CDC34: variants seen among roughly 807,000 people sequenced by gnomAD.
The protein encoded by CDC34 is cell division cycle 34, ubiquitin conjugating enzyme, also known as ubiquitin-conjugating enzyme E2 R1.
CDC34 carries 18 observed loss-of-function variants against 26.8 expected under a neutral mutation model. That is an observed-to-expected ratio of 0.67 (90% CI 0.47 to 1.00). The LOEUF is 1.00. Among genes scored for constraint, CDC34 ranks in the 50% least tolerant of loss-of-function variants. The pLI is 0.00. For synonymous variants in CDC34, 178 were observed against 147.5 expected, an observed-to-expected ratio of 1.21 and a Z score of -1.50; for missense variants, 280 against 334.5, an observed-to-expected ratio of 0.84 and a Z score of 1.27.
intron 3 of CDC34, chr19:536,755 C>CGG: frequency 1.8e-6 from 1 of 562,652 alleles, no homozygotes; most frequent in South Asian, 2.0e-5. Flanking sequence ...GCAGGACGTG[C>CGG]GGGTGTGAGG....
rs1359596655 is a variant in CDC34 at position 533,485 on chromosome 19, G to A, written c.177+1377G>A. 4.6e-5 allele frequency among the ~76,000 whole-genome samples: 7 copies of A among 152,372 alleles called. No homozygotes were observed. The East Asian group carries it at 1.2e-3, about 25-fold the overall frequency. On this transcript the variant is annotated intron_variant, in intron 1 of 4. Transcript: ENST00000215574. ...GTGGGTTCTGCATCTGGAATCCTGC[G>A]TCCCCACACAGGGAACAGAGTTTGG... is the stretch of plus-strand genomic sequence containing the variant.
In CDC34 at chr19:541,505, A is replaced by G; in HGVS notation, c.664A>G (p.Ser222Gly). 2 of 1,609,454 alleles carry G rather than the reference A, an allele frequency of 1.2e-6. No individual in the cohort carries two copies. The highest frequency in any genetic ancestry group is 1.7e-6 in the Non-Finnish European group (2 of 1,177,560). ...EDGEVEEEAD[S>G]CFGDDEDDSG... ...CGGCGAGGTGGAGGAGGAGGCCGAC[A>G]GCTGCTTCGGGGACGATGAGGATGA... Residue 222 changes from serine (S) to glycine (G), a missense_variant, in exon 5 of 5, where the codon AGC becomes GGC. Coordinates refer to ENST00000215574, the MANE Select transcript of CDC34 (RefSeq NM_004359.2).
At chr19:536,082 G>A (rs1056954710) in intron 2 of CDC34, among the ~76,000 whole-genome samples, 159 bp downstream of exon 2, 5 of 132,106 alleles carry the variant, frequency 3.8e-5, no homozygotes, top group African/African-American at 1.0e-4. Context: ...TCGTCCTTCC[G>A]GGACCCGAGG....
At chr19:538,677 G>A in intron 4 of CDC34, 1 of 984,060 alleles carries the variant, frequency 1.0e-6, no homozygotes, top group South Asian at 4.7e-5. Flanking sequence ...CCTCGCCCCA[G>A]GACCCAGGAG....
At position 536,335 on chromosome 19, in the gene CDC34, C is replaced by T. The variant is rs146385161; in HGVS notation, c.357C>T (p.Asn119=). 417 of 1,611,390 alleles carry T rather than the reference C, an allele frequency of 2.6e-4. 1 individual carries two copies. The African/African-American group carries it at 3.7e-3, about 14-fold the overall frequency. Reference sequence around the variant, plus strand: ...CAGAGAGGTGGAACCCCACGCAGAACGTCAGGTAAGCCGGCCCAACCCCCT... The same window carrying T: ...CAGAGAGGTGGAACCCCACGCAGAATGTCAGGTAAGCCGGCCCAACCCCCT... ...LPSERWNPTQ[N]VRTILLSVIS... The change falls in exon 3 of 5, where the codon AAC becomes AAT. Residue 119 remains asparagine, a synonymous_variant. Transcript: ENST00000215574.
rs765510335 is a variant in CDC34 at position 532,002 on chromosome 19, C to T, written c.71C>T (p.Pro24Leu). 2.0e-6 allele frequency: 3 copies of T among 1,502,052 alleles called. No individual in the cohort carries two copies. Among genetic ancestry groups the T allele is most frequent in the Non-Finnish European group, 2.6e-6 (3 of 1,133,684 alleles). The allele number at this position is 1,502,052 out of a possible 1,614,324, so 93.0% of individuals were successfully genotyped here. A position where few individuals can be genotyped will look rare whatever the true frequency, so the allele number is the denominator to read the frequency against. ...LLELKGLQEE[P>L]VEGFRVTLVD... ...GAGCTCAAGGGGCTGCAGGAAGAGC[C>T]GGTCGAGGGATTCCGCGTGACACTG... The change falls in exon 1 of 5, where the codon CCG becomes CTG. Residue 24 changes from proline to leucine, a missense_variant. Coordinates refer to ENST00000215574, the MANE Select transcript of CDC34 (RefSeq NM_004359.2).
Position 531,858 on chromosome 19 carries a change from C to T in CDC34, c.-74C>T. ...GGCTCCCCCCCGGACGGTGCGCGGC[C>T]CGGCCCGTCTCGCGAACTCGCGGTG... On this transcript the variant is annotated 5_prime_UTR_variant, in exon 1 of 5. Coordinates refer to ENST00000215574, the MANE Select transcript of CDC34 (RefSeq NM_004359.2). The T allele has an allele frequency of 9.9e-7, 1 of 1,005,498 alleles. No homozygotes were observed. Among genetic ancestry groups the T allele is most frequent in the Non-Finnish European group, 1.3e-6 (1 of 793,922 alleles). The allele number at this position is 1,005,498 out of a possible 1,614,324, so 62.3% of individuals were successfully genotyped here.
chr19:534,548 CG>C (rs1262310965), intron 1 of CDC34, among the ~76,000 whole-genome samples: 1 of 110,538 alleles, frequency 9.0e-6, no homozygotes, highest in African/African-American at 3.1e-5. Flanking sequence ...CCAAGACCCC[CG>C]AGTACCCTCC....
In CDC34 at chr19:541,502, G is replaced by A. The variant is rs771514074; in HGVS notation, c.661G>A (p.Asp221Asn). The A allele has an allele frequency of 1.3e-5, 21 of 1,609,670 alleles. No individual in the cohort carries two copies. The Admixed American group carries it at 1.7e-4, about 13-fold the overall frequency. Residue 221 changes from aspartate to asparagine, a missense_variant, in exon 5 of 5, where the codon GAC becomes AAC. Transcript: ENST00000215574. ...YEDGEVEEEA[D>N]SCFGDDEDDS... The stretch of plus-strand genomic sequence containing the variant: ...GGACGGCGAGGTGGAGGAGGAGGCC[G>A]ACAGCTGCTTCGGGGACGATGAGGA...
chr19:539,868 G>T (rs1979931121), intron 4 of CDC34, among the ~76,000 whole-genome samples: 1 of 152,140 alleles, frequency 6.6e-6, no homozygotes, highest in Admixed American at 6.5e-5. Context: ...GTCCTGGTGT[G>T]CGCGGTGCAG....
chr19:536,821 G>C, intron 3 of CDC34, 192 bp from the exon 4 acceptor site: 1 of 631,172 alleles, frequency 1.6e-6, no homozygotes, highest in Non-Finnish European at 2.8e-6. Flanking sequence ...TGGTCTTGGC[G>C]TGGGAGGGAG....
At chr19:541,013 A>G (rs899651185) in intron 4 of CDC34, among the ~76,000 whole-genome samples, 1 of 152,170 alleles carries the variant, frequency 6.6e-6, no homozygotes, top group African/African-American at 2.4e-5. Context: ...GTGGGGCAGC[A>G]TGGGCCCTCC....
At chr19:541,266 C>A (rs1374013869) in intron 4 of CDC34, 73 bp from the exon 5 acceptor site, 1 of 1,457,524 alleles carries the variant, frequency 6.9e-7, no homozygotes, top group Non-Finnish European at 9.0e-7. Flanking sequence ...AGCGTCGGAC[C>A]TGGGGGAGGG....
intron 1 of CDC34, among the ~76,000 whole-genome samples, chr19:534,155 T>G (rs1037879476): frequency 2.0e-5 from 3 of 152,174 alleles, no homozygotes; most frequent in Non-Finnish European, 4.4e-5. Flanking sequence ...GATTGCCGCC[T>G]GAAACCCAGC....
At chr19:541,274 G>T in intron 4 of CDC34, 65 bp from the exon 5 acceptor site, 1 of 1,460,634 alleles carries the variant, frequency 6.8e-7, no homozygotes, top group Admixed American at 2.5e-5. Context: ...ACCTGGGGGA[G>T]GGGGGCCGGG....
intron 4 of CDC34, 52 bp from the exon 5 acceptor site, chr19:541,287 G>A: frequency 2.0e-6 from 3 of 1,474,222 alleles, no homozygotes; most frequent in Non-Finnish European, 2.7e-6. Flanking sequence ...GGGCCGGGCA[G>A]GGGCCGAGTC....
chr19:541,465 C>T lies in CDC34; in HGVS notation c.624C>T (p.Asp208=), dbSNP rs141634653. 33 of 1,612,486 alleles carry T rather than the reference C, an allele frequency of 2.0e-5. No homozygotes were observed. The highest frequency in any genetic ancestry group is 8.0e-5 in the African/African-American group (6 of 74,916). ...APDEGSDLFY[D]DYYEDGEVEE... ...ACGAGGGCTCAGACCTCTTCTACGA[C>T]GACTACTACGAGGACGGCGAGGTGG... The change falls in exon 5 of 5, where the codon GAC becomes GAT. Residue 208 remains aspartate, a synonymous_variant. Coordinates refer to ENST00000215574, the MANE Select transcript of CDC34 (RefSeq NM_004359.2).
chr19:537,694 T>C (rs2011204), intron 4 of CDC34, among the ~76,000 whole-genome samples: 132,990 of 133,424 alleles, frequency 1, 66,283 homozygotes, highest in East Asian at 1. Context: ...TATACTCTCT[T>C]GCCTAGGCTG....
At chr19:535,974 T>G in intron 2 of CDC34, 51 bp downstream of exon 2, 1 of 1,521,062 alleles carries the variant, frequency 6.6e-7, no homozygotes, top group East Asian at 2.3e-5. Context: ...GGACCCAGGG[T>G]GCTGGGAGCC....
Sources: gnomAD v4.1 joint callset for allele counts (sites outside exome capture counted in the v4.1 genomes callset) on GRCh38, gnomAD v4.1.1 for gene constraint, MANE v1.5 for transcripts, NCBI Gene and HGNC (gene_info 2026-07-23, HGNC 2026-07-21) for gene names.